Variants in CEP63 observed in about 807,000 individuals in gnomAD.
CEP63 encodes centrosomal protein of 63 kDa.
A neutral mutation model predicts 89.1 loss-of-function variants in CEP63; 84 were observed. That is an observed-to-expected ratio of 0.94 (90% CI 0.79 to 1.13). CEP63 has a LOEUF of 1.13. CEP63 is among the 50% of genes most tolerant of loss of function. The probability of loss-of-function intolerance (pLI) is 0.00; values close to 1 mark genes in which losing one functional copy is unlikely to be tolerated. For synonymous variants in CEP63, 267 were observed against 272.5 expected (o/e 0.98, Z 0.20); for missense variants, 838 against 813.3 (o/e 1.03, Z -0.37).
At chr3:134,561,233 T>G (rs1039075145) in intron 14 of CEP63, 144 bp from the exon 15 acceptor site, 8 of 803,986 alleles carry the variant, frequency 1.0e-5, no homozygotes, top group Non-Finnish European at 1.7e-5. Flanking sequence ...ATTGCTCTTG[T>G]CATTAGGATG....
chr3:134,624,150 A>G, the CEP63 span, among the ~76,000 whole-genome samples: 4 of 152,012 alleles, frequency 2.6e-5, no homozygotes, highest in Admixed American at 6.6e-5. Flanking sequence ...CCAGGAGTCA[A>G]TCCAGCTATC....
At chr3:134,667,044 C>G in the CEP63 span, among the ~76,000 whole-genome samples, 8 of 152,182 alleles carry the variant, frequency 5.3e-5, no homozygotes, top group African/African-American at 1.9e-4. Context: ...CTGGGCTCCT[C>G]CCCCGCGTCC....
At position 134,545,697 on chromosome 3, in the gene CEP63, A is replaced by T; in HGVS notation, c.667A>T (p.Asn223Tyr). The change falls in exon 7 of 15, where the codon AAT (asparagine) becomes TAT (tyrosine). Residue 223 changes from asparagine to tyrosine, a missense_variant. Physicochemically the swap from Asn to Tyr is moderately radical, Grantham distance 143 (BLOSUM62 -2). Transcript: ENST00000675561. ...LERANDTICA[N>Y]ELEIERLTMR... ...GCGGGCTAATGACACTATCTGTGCCAATGAGTTGGAAATAGAGCGCCTCAC... is the reference window on the plus strand; with the variant it reads ...GCGGGCTAATGACACTATCTGTGCCTATGAGTTGGAAATAGAGCGCCTCAC... 1.9e-6 allele frequency: 3 copies of T among 1,614,138 alleles called. No homozygotes were observed. Among genetic ancestry groups the T allele is most frequent in the Non-Finnish European group, 2.5e-6 (3 of 1,180,020 alleles).
downstream of CEP63, among the ~76,000 whole-genome samples, chr3:134,591,041 T>A (rs546207610): frequency 1.3e-4 from 20 of 152,306 alleles, 1 homozygote; most frequent in African/African-American, 4.6e-4. Context: ...TGTCCCTCAC[T>A]GGGTGGAGCA....
chr3:134,781,954 C>G, the CEP63 span, among the ~76,000 whole-genome samples: 19 of 152,158 alleles, frequency 1.2e-4, no homozygotes, highest in Non-Finnish European at 2.4e-4. Context: ...GAGTAGGCAT[C>G]CTTTCTTCTT....
the CEP63 span, among the ~76,000 whole-genome samples, chr3:134,724,655 C>A: frequency 6.6e-6 from 1 of 152,098 alleles, no homozygotes; most frequent in Non-Finnish European, 1.5e-5. Context: ...CCCATGAATG[C>A]CTAGTCAAAA....
intron 10 of CEP63, among the ~76,000 whole-genome samples, chr3:134,549,542 C>T (rs778240754): frequency 9.9e-5 from 15 of 152,114 alleles, no homozygotes; most frequent in African/African-American, 2.9e-4. Flanking sequence ...TATGTATTGT[C>T]TCCTGTGCTA....
At chr3:134,765,975 G>A in the CEP63 span, among the ~76,000 whole-genome samples, 1 of 152,212 alleles carries the variant, frequency 6.6e-6, no homozygotes, top group African/African-American at 2.4e-5. Flanking sequence ...CTTCATTGAA[G>A]ACATTGTATT....
chr3:134,652,654 A>G, the CEP63 span, among the ~76,000 whole-genome samples: 175 of 144,826 alleles, frequency 1.2e-3, 2 homozygotes, highest in Middle Eastern at 3.6e-3. Context: ...ACACACACAC[A>G]CACGCGCGCG....
downstream of CEP63, among the ~76,000 whole-genome samples, chr3:134,576,948 A>G (rs1958227312): frequency 6.6e-6 from 1 of 152,230 alleles, no homozygotes; most frequent in African/African-American, 2.4e-5. Flanking sequence ...GTTAGCACCA[A>G]TTAACTTAAA....
At chr3:134,643,234 C>G in the CEP63 span, 1 of 1,374,908 alleles carries the variant, frequency 7.3e-7, no homozygotes, top group Admixed American at 1.8e-5. Flanking sequence ...CTGAGCTCCA[C>G]ATCCTGGGCT....
chr3:134,579,286 G>GT (rs1213474264), downstream of CEP63, among the ~76,000 whole-genome samples: 1 of 151,782 alleles, frequency 6.6e-6, no homozygotes, highest in African/African-American at 2.4e-5. Context: ...TGCAGAGCTG[G>GT]TTTTTGCACT....
At chr3:134,620,249 C>A in the CEP63 span, among the ~76,000 whole-genome samples, 2 of 152,196 alleles carry the variant, frequency 1.3e-5, no homozygotes, top group Admixed American at 1.3e-4. Context: ...CTCCAAGAAC[C>A]TTGGAGACTG....
downstream of CEP63, among the ~76,000 whole-genome samples, chr3:134,576,955 TAAAAC>T (rs1320377395): frequency 6.6e-6 from 1 of 152,162 alleles, no homozygotes; most frequent in Non-Finnish European, 1.5e-5. Context: ...CCAATTAACT[TAAAAC>T]AAACAAAAAA....
chr3:134,742,687 T>C, the CEP63 span, among the ~76,000 whole-genome samples: 1 of 152,334 alleles, frequency 6.6e-6, no homozygotes, highest in African/African-American at 2.4e-5. Flanking sequence ...GGCCTTAACA[T>C]AGATTTAAGA....
At chr3:134,565,711 G>A (rs559712202), downstream of CEP63, among the ~76,000 whole-genome samples, 4 of 151,294 alleles carry the variant, frequency 2.6e-5, no homozygotes, top group Admixed American at 6.6e-5. Context: ...AGTTACCTCT[G>A]AGCTTCAGAG....
chr3:134,548,655 T>TA (rs1954139663), intron 9 of CEP63, among the ~76,000 whole-genome samples: 1 of 71,364 alleles, frequency 1.4e-5, no homozygotes, highest in Admixed American at 1.2e-4. Flanking sequence ...CTTTAAGTAA[T>TA]ACATTTTTTG....
chr3:134,516,491 G>A (rs556757462), intron 3 of CEP63, among the ~76,000 whole-genome samples: 4 of 152,122 alleles, frequency 2.6e-5, no homozygotes, highest in African/African-American at 9.7e-5. Context: ...TACGGGTGTC[G>A]GGCTGGGGGA....
rs980076046 is a variant in CEP63 at position 134,541,143 on chromosome 3, C to T, written c.555+3875C>T. Among the ~76,000 whole-genome samples the T allele has an allele frequency of 2.0e-5, 3 of 151,972 alleles. No homozygotes were observed. The East Asian group carries it at 5.8e-4, about 29-fold the overall frequency. Reference sequence around the variant, plus strand: ...ATACACTTAAGTATGAAATATAAGCCCTTTGCTATTATGTTACAGTTGCGT... The same window carrying T: ...ATACACTTAAGTATGAAATATAAGCTCTTTGCTATTATGTTACAGTTGCGT... On this transcript the variant is annotated intron_variant, in intron 6 of 14. Transcript: ENST00000675561.
Sources: gnomAD v4.1 joint callset for allele counts (sites outside exome capture counted in the v4.1 genomes callset) on GRCh38, gnomAD v4.1.1 for gene constraint, MANE v1.5 for transcripts, NCBI Gene and HGNC (gene_info 2026-07-23, HGNC 2026-07-21) for gene names.